Variants in ST6GALNAC3 observed in about 807,000 individuals in gnomAD.
The protein encoded by ST6GALNAC3 is ST6 N-acetylgalactosaminide alpha-2,6-sialyltransferase 3.
Under a neutral mutation model 32.7 loss-of-function variants are expected in ST6GALNAC3, and 25 were observed. The observed-to-expected ratio is 0.76, with a 90% CI of 0.56 to 1.07. The LOEUF is 1.07. Among genes scored for constraint, ST6GALNAC3 ranks in the 50% least tolerant of loss-of-function variants. ST6GALNAC3 has a pLI of 0.00. For missense variants in ST6GALNAC3, 355 were observed against 382.4 expected (o/e 0.93, Z 0.60); for synonymous variants, 129 against 133.1 (o/e 0.97, Z 0.21).
At chr1:76,526,394 T>C (rs2101807610) in intron 3 of ST6GALNAC3, among the ~76,000 whole-genome samples, 1 of 152,248 alleles carries the variant, frequency 6.6e-6, no homozygotes, top group African/African-American at 2.4e-5. Context: ...GCTACAGTCC[T>C]TTCCAGATAT....
chr1:76,617,694 G>A (rs577285382), intron 3 of ST6GALNAC3, among the ~76,000 whole-genome samples: 12 of 152,270 alleles, frequency 7.9e-5, no homozygotes, highest in Non-Finnish European at 1.3e-4. Context: ...GTATTTAATA[G>A]ACTCAATTGT....
intron 2 of ST6GALNAC3, among the ~76,000 whole-genome samples, chr1:76,341,286 T>G (rs138463678): frequency 7.9e-5 from 12 of 152,024 alleles, no homozygotes; most frequent in African/African-American, 2.9e-4. Flanking sequence ...CAGCTCCTGC[T>G]TGTAAGTGAG....
chr1:76,423,336 C>T (rs1345165956), intron 3 of ST6GALNAC3, among the ~76,000 whole-genome samples: 3 of 151,938 alleles, frequency 2.0e-5, no homozygotes, highest in Admixed American at 2.0e-4. Flanking sequence ...AGGGCCATTT[C>T]CTTGGAGTTT....
intron 1 of ST6GALNAC3, among the ~76,000 whole-genome samples, chr1:76,120,135 G>A (rs1490427152): frequency 6.6e-6 from 1 of 152,212 alleles, no homozygotes; most frequent in Admixed American, 6.5e-5. Context: ...CCATTTAGAT[G>A]GAAATAAAAT....
At chr1:76,471,939 A>T (rs1659059052) in intron 3 of ST6GALNAC3, among the ~76,000 whole-genome samples, 1 of 151,856 alleles carries the variant, frequency 6.6e-6, no homozygotes, top group South Asian at 2.1e-4. Context: ...TTGCTAAAAT[A>T]CTGGGTTTTA....
At chr1:76,527,022 G>A (rs977956716) in intron 3 of ST6GALNAC3, among the ~76,000 whole-genome samples, 3 of 152,052 alleles carry the variant, frequency 2.0e-5, no homozygotes, top group African/African-American at 4.8e-5. Context: ...TCATGTTTTT[G>A]AGGATTTACT....
chr1:76,098,410 G>GT (rs1647169454), intron 1 of ST6GALNAC3, among the ~76,000 whole-genome samples: 1 of 152,142 alleles, frequency 6.6e-6, no homozygotes, highest in African/African-American at 2.4e-5. Flanking sequence ...TCCACCAGAA[G>GT]TATCACAGAA....
chr1:76,174,667 T>TC (rs1478434453), intron 1 of ST6GALNAC3, among the ~76,000 whole-genome samples: 3 of 148,844 alleles, frequency 2.0e-5, no homozygotes, highest in Non-Finnish European at 3.0e-5. Context: ...TCTTTTCTTT[T>TC]TTTTTTTTCT....
chr1:76,091,086 TTAAGG>T (rs1402110966), intron 1 of ST6GALNAC3, among the ~76,000 whole-genome samples: 9 of 152,324 alleles, frequency 5.9e-5, no homozygotes, highest in African/African-American at 2.2e-4. Context: ...TGTGTCATAT[TTAAGG>T]CACATGTTCT....
At position 76,628,647 on chromosome 1, in the gene ST6GALNAC3, C is replaced by T; in HGVS notation, c.759C>T (p.Tyr253=). 1.2e-6 allele frequency: 2 copies of T among 1,610,374 alleles called. No homozygotes were observed. Among genetic ancestry groups the T allele is most frequent in the Non-Finnish European group, 1.7e-6 (2 of 1,178,612 alleles). Residue 253 remains tyrosine (Y), a synonymous_variant, in exon 5 of 5, where the codon TAC becomes TAT. Transcript: ENST00000328299. ...CKTEGYRKVP[Y]HYYEQGRDEC... ...CAGAAGGGTATAGAAAAGTCCCCTA[C>T]CATTATTATGAACAAGGAAGAGATG... is the stretch of plus-strand genomic sequence containing the variant.
chr1:76,108,463 A>G (rs906435906), intron 1 of ST6GALNAC3, among the ~76,000 whole-genome samples: 6 of 152,180 alleles, frequency 3.9e-5, no homozygotes, highest in Non-Finnish European at 7.3e-5. Flanking sequence ...ATCACATTCT[A>G]ATCTCCAAAT....
chr1:76,580,715 T>C (rs775119473), intron 3 of ST6GALNAC3, among the ~76,000 whole-genome samples: 17 of 152,110 alleles, frequency 1.1e-4, no homozygotes, highest in Non-Finnish European at 2.4e-4. Flanking sequence ...ACAAATAAGC[T>C]CATGATCTCT....
At chr1:76,449,130 T>C (rs1266727678) in intron 3 of ST6GALNAC3, among the ~76,000 whole-genome samples, 1 of 152,216 alleles carries the variant, frequency 6.6e-6, no homozygotes, top group African/African-American at 2.4e-5. Flanking sequence ...AGGTATGTCT[T>C]TATCTGCATT....
At chr1:76,480,588 T>G (rs771917629) in intron 3 of ST6GALNAC3, among the ~76,000 whole-genome samples, 13 of 152,160 alleles carry the variant, frequency 8.5e-5, no homozygotes, top group Non-Finnish European at 1.5e-4. Flanking sequence ...TCATCCTTAA[T>G]GATCTCCAAG....
At chr1:76,135,274 T>C (rs1649870064) in intron 1 of ST6GALNAC3, among the ~76,000 whole-genome samples, 1 of 152,272 alleles carries the variant, frequency 6.6e-6, no homozygotes, top group South Asian at 2.1e-4. Context: ...TTATGTTTGT[T>C]TGCTTTATTG....
intron 2 of ST6GALNAC3, among the ~76,000 whole-genome samples, chr1:76,378,399 C>T (rs374801291): frequency 9.2e-5 from 14 of 152,220 alleles, no homozygotes; most frequent in Non-Finnish European, 1.6e-4. Context: ...CGGTAGCTCA[C>T]GCCTGGAATC....
Position 76,509,625 on chromosome 1 carries a change from A to G in ST6GALNAC3, c.623+97208A>G, listed in dbSNP as rs1455852365. Among the ~76,000 whole-genome samples, 1 of 152,212 alleles carries G rather than the reference A, an allele frequency of 6.6e-6. No homozygotes were observed. Among genetic ancestry groups the G allele is most frequent in the African/African-American group, 2.4e-5 (1 of 41,456 alleles). ...TTGTGGTTTAAAACAACACAAAGTT[A>G]TTTTATACAGTTCGAAGTTAGAAGT... On this transcript the variant is annotated intron_variant, in intron 3 of 4. Transcript: ENST00000328299. The surrounding 1 kb of genome is among the most constrained non-coding windows in gnomAD (Gnocchi z 5.5).
chr1:76,585,123 G>A (rs1347176844), intron 3 of ST6GALNAC3, among the ~76,000 whole-genome samples: 5 of 152,252 alleles, frequency 3.3e-5, no homozygotes, highest in East Asian at 1.9e-4. Context: ...AGTGGCTCAC[G>A]CCTGTATTCC....
chr1:76,594,834 A>G lies in ST6GALNAC3; in HGVS notation c.624-32618A>G, dbSNP rs150326776. On this transcript the variant is annotated intron_variant, in intron 3 of 4. Coordinates refer to ENST00000328299, the MANE Select transcript of ST6GALNAC3 (RefSeq NM_152996.4). ...CTAGATATATAAGAGAATATAATAC[A>G]CCATTCCTCATCTGTCTACAGCCTT... 6.1e-3 allele frequency among the ~76,000 whole-genome samples: 922 copies of G among 152,262 alleles called. 10 individuals carry two copies. The highest frequency in any genetic ancestry group is 0.035 in the Admixed American group (537 of 15,288).
Sources: allele counts gnomAD v4.1 joint callset (sites outside exome capture counted in the v4.1 genomes callset), GRCh38; gene constraint gnomAD v4.1.1; non-coding constraint Gnocchi (gnomAD v3.1); transcripts MANE v1.5; gene names NCBI Gene and HGNC (gene_info 2026-07-23, HGNC 2026-07-21).